The following ADGRL3 variants were observed in gnomAD, a reference collection of about 807,000 sequenced individuals.
The protein encoded by ADGRL3 is adhesion G protein-coupled receptor L3, also known as calcium-independent alpha-latrotoxin receptor 3.
ADGRL3 carries 62 observed loss-of-function variants against 153.5 expected under a neutral mutation model. That is an observed-to-expected ratio of 0.40 (90% CI 0.33 to 0.50). ADGRL3 has a LOEUF of 0.50. Ranked by LOEUF, ADGRL3 falls within the 20% of genes least tolerant of loss-of-function variation. The pLI is 0.47. For synonymous variants in ADGRL3, 710 were observed against 672.5 expected (o/e 1.06, Z -0.86); for missense variants, 1,641 against 1,859.4 (o/e 0.88, Z 2.16).
At chr4:61,493,971 T>C (rs945423332) in intron 2 of ADGRL3, among the ~76,000 whole-genome samples, 2 of 152,208 alleles carry the variant, frequency 1.3e-5, no homozygotes, top group African/African-American at 4.8e-5. Context: ...ATATGGATAA[T>C]TACATTAGGA....
chr4:61,574,790 A>C (rs2098860012), intron 4 of ADGRL3, among the ~76,000 whole-genome samples: 1 of 151,874 alleles, frequency 6.6e-6, no homozygotes, highest in Non-Finnish European at 1.5e-5. Context: ...TGTTCATTTC[A>C]CTTTATAATC....
At chr4:61,420,840 C>T (rs1480364094) in intron 2 of ADGRL3, 1 of 145,392 alleles carries the variant, frequency 6.9e-6, no homozygotes, top group East Asian at 2.0e-4. Flanking sequence ...ATAAGAACTT[C>T]ATTATATAAA....
At chr4:61,669,952 G>A (rs1161250850) in intron 5 of ADGRL3, among the ~76,000 whole-genome samples, 6 of 152,168 alleles carry the variant, frequency 3.9e-5, no homozygotes, top group Non-Finnish European at 5.9e-5. Flanking sequence ...TATTAACCTA[G>A]AACCCCTGTG....
intron 1 of ADGRL3, among the ~76,000 whole-genome samples, chr4:61,340,948 T>C (rs970821730): frequency 5.3e-5 from 8 of 152,094 alleles, no homozygotes; most frequent in Admixed American, 2.6e-4. Context: ...GTCAGCATCA[T>C]AATGAACATT....
At chr4:61,523,673 G>A (rs1269953428) in intron 4 of ADGRL3, among the ~76,000 whole-genome samples, 1 of 152,010 alleles carries the variant, frequency 6.6e-6, no homozygotes, top group Non-Finnish European at 1.5e-5. Flanking sequence ...TAATTTCAAA[G>A]AATTTCTTTA....
chr4:61,832,194 G>T (rs996153660), intron 9 of ADGRL3, among the ~76,000 whole-genome samples: 3 of 152,074 alleles, frequency 2.0e-5, no homozygotes, highest in African/African-American at 7.2e-5. Flanking sequence ...AGCAGTTTAG[G>T]CTTTAATACT....
intron 1 of ADGRL3, among the ~76,000 whole-genome samples, chr4:61,335,459 A>G (rs1423159292): frequency 6.6e-6 from 1 of 152,200 alleles, no homozygotes; most frequent in East Asian, 1.9e-4. Context: ...AGTGCAGTGC[A>G]TGGCTATTCA....
At chr4:61,511,790 C>G (rs2098464721) in intron 3 of ADGRL3, among the ~76,000 whole-genome samples, 1 of 151,992 alleles carries the variant, frequency 6.6e-6, no homozygotes, top group Non-Finnish European at 1.5e-5. Flanking sequence ...CTTATAAGAC[C>G]CAGAATTGAA....
At chr4:61,792,221 G>C (rs1561259033) in intron 8 of ADGRL3, among the ~76,000 whole-genome samples, 1 of 117,286 alleles carries the variant, frequency 8.5e-6, no homozygotes, top group East Asian at 3.2e-4. Context: ...TGGTTGCTTA[G>C]AAATTTCTTC....
intron 25 of ADGRL3, among the ~76,000 whole-genome samples, chr4:62,055,395 A>G (rs1039886408): frequency 1.3e-5 from 2 of 151,770 alleles, no homozygotes; most frequent in Admixed American, 1.3e-4. Context: ...AGTATCTCCA[A>G]ACCATTTGAA....
At chr4:61,226,524 G>A (rs1396305872) in intron 1 of ADGRL3, among the ~76,000 whole-genome samples, 1 of 152,098 alleles carries the variant, frequency 6.6e-6, no homozygotes, top group African/African-American at 2.4e-5. Flanking sequence ...TTTTGATGTG[G>A]CATGAATAGT....
intron 6 of ADGRL3, among the ~76,000 whole-genome samples, 196 bp from the exon 7 acceptor site, chr4:61,730,421 CATATA>C (rs1378506091): frequency 1.3e-5 from 2 of 151,606 alleles, no homozygotes; most frequent in Admixed American, 6.6e-5. Flanking sequence ...CATTTTAAAG[CATATA>C]ATATGATTAT....
At chr4:61,336,191 C>A (rs1439709203) in intron 1 of ADGRL3, among the ~76,000 whole-genome samples, 1 of 152,132 alleles carries the variant, frequency 6.6e-6, no homozygotes, top group Non-Finnish European at 1.5e-5. Flanking sequence ...GGAGACTATA[C>A]AAACTGTATA....
chr4:61,291,587 T>TAC (rs1560434469), intron 1 of ADGRL3, among the ~76,000 whole-genome samples: 1 of 11,790 alleles, frequency 8.5e-5, no homozygotes, highest in African/African-American at 1.6e-4. Context: ...TATATACATA[T>TAC]ATATATATAT....
intron 9 of ADGRL3, among the ~76,000 whole-genome samples, chr4:61,882,970 G>C (rs2098517200): frequency 6.6e-6 from 1 of 152,106 alleles, no homozygotes; most frequent in African/African-American, 2.4e-5. Flanking sequence ...CACAAAATTA[G>C]CTGGGCATGG....
chr4:61,401,699 A>G (rs1482629854), intron 2 of ADGRL3, among the ~76,000 whole-genome samples: 1 of 152,044 alleles, frequency 6.6e-6, no homozygotes, highest in Non-Finnish European at 1.5e-5. Context: ...TACATTTTTC[A>G]TCTCTAAATA....
chr4:61,392,392 A>G (rs1236245525), intron 2 of ADGRL3, among the ~76,000 whole-genome samples: 1 of 151,776 alleles, frequency 6.6e-6, no homozygotes, highest in Non-Finnish European at 1.5e-5. Context: ...TTTACATAGA[A>G]AAGAGTCTCA....
chr4:61,890,005 CAG>C (rs1054555367), intron 9 of ADGRL3, among the ~76,000 whole-genome samples: 4 of 152,140 alleles, frequency 2.6e-5, no homozygotes, highest in Non-Finnish European at 4.4e-5. Flanking sequence ...AATTGAAAAA[CAG>C]AGCTTCTATT....
At chr4:61,441,582 C>T (rs568021157) in intron 2 of ADGRL3, among the ~76,000 whole-genome samples, 97 of 151,106 alleles carry the variant, frequency 6.4e-4, no homozygotes, top group African/African-American at 2.3e-3. Context: ...TGCAGTGGTG[C>T]GATCTCAGCT....
Sources: gnomAD v4.1 joint callset for allele counts (sites outside exome capture counted in the v4.1 genomes callset) on GRCh38, gnomAD v4.1.1 for gene constraint, MANE v1.5 for transcripts, NCBI Gene and HGNC (gene_info 2026-07-23, HGNC 2026-07-21) for gene names.